HERC6: variants seen among roughly 807,000 people sequenced by gnomAD.
HERC6 encodes the protein HECT and RLD domain containing E3 ubiquitin protein ligase family member 6.
HERC6 carries 101 observed loss-of-function variants against 114.5 expected under a neutral mutation model. That is an observed-to-expected ratio of 0.88 (90% CI 0.75 to 1.04). The LOEUF is 1.04. HERC6 is among the 50% of genes least tolerant of loss of function. The pLI, the probability that HERC6 is intolerant of heterozygous loss-of-function variation, is 0.00. For missense variants in HERC6, 1,133 were observed against 1,230.9 expected, an observed-to-expected ratio of 0.92 and a Z score of 1.19; for synonymous variants, 408 against 436.2, an observed-to-expected ratio of 0.94 and a Z score of 0.81.
intron 15 of HERC6, among the ~76,000 whole-genome samples, chr4:88,428,268 A>G (rs1205459526): frequency 6.6e-6 from 1 of 152,192 alleles, no homozygotes; most frequent in Non-Finnish European, 1.5e-5. Flanking sequence ...GAATACCAGT[A>G]TGGCCTTTAA....
intron 13 of HERC6, among the ~76,000 whole-genome samples, chr4:88,420,266 T>C (rs1318951524): frequency 6.6e-6 from 1 of 152,226 alleles, no homozygotes; most frequent in Non-Finnish European, 1.5e-5. Context: ...TACTGTATCT[T>C]TATAATAAAT....
Position 88,433,104 on chromosome 4 carries a change from A to C in HERC6, c.2250+1799A>C, listed in dbSNP as rs773510091. 2.0e-4 allele frequency among the ~76,000 whole-genome samples: 30 copies of C among 152,262 alleles called. 1 individual carries two copies. Among genetic ancestry groups the C allele is most frequent in the South Asian group, 1.4e-3 (7 of 4,832 alleles). The stretch of plus-strand genomic sequence containing the variant: ...CTCCATCTCAAAAAAGAAAAGTAAC[A>C]AAAAAATTTGTCTTCATTTCTGTAT... On this transcript the variant is annotated intron_variant, in intron 17 of 22. Transcript: ENST00000264346.
rs747269356 is a variant in HERC6, at chr4:88,428,632, A to G, written c.1988A>G (p.Lys663Arg). Residue 663 changes from lysine to arginine, a missense_variant, in exon 16 of 23, where the codon AAG becomes AGG. Lys to Arg is a conservative substitution (Grantham distance 26). Around this residue, in one of 3 missense-constraint regions of HERC6, gnomAD observed 388 missense variants for 445.9 expected, o/e 0.87. Transcript: ENST00000264346. ...ATGCATGAAACAATTCTGCAAAAAA[A>G]GGATGAATTTCCTCCATCACCCAGA... ...MLMHETILQK[K>R]DEFPPSPRFI... 43 of 1,608,620 alleles carry G rather than the reference A, an allele frequency of 2.7e-5. No individual in the cohort carries two copies. The South Asian group carries it at 4.2e-4, about 16-fold the overall frequency.
chr4:88,386,498 G>A (rs1242887160), intron 3 of HERC6, among the ~76,000 whole-genome samples: 1 of 152,100 alleles, frequency 6.6e-6, no homozygotes, highest in Non-Finnish European at 1.5e-5. Context: ...GAGCCACTGT[G>A]CCCGGTCCCC....
Position 88,436,926 on chromosome 4 carries a change from T to C in HERC6, c.2439T>C (p.Asp813=). The change falls in exon 19 of 23, where the codon GAT becomes GAC. Residue 813 remains aspartate, a synonymous_variant. Transcript: ENST00000264346. ...RLGKSLQEVL[D]DAADDIGDAL... ...TTAGGAGTTTGCAAGAAGTTCTAGA[T>C]GATGCTGCTGATGACATTGGAGATG... The C allele has an allele frequency of 6.2e-7, 1 of 1,606,184 alleles. No individual in the cohort carries two copies. Among genetic ancestry groups the C allele is most frequent in the Middle Eastern group, 1.7e-4 (1 of 6,032 alleles).
At chr4:88,390,195 A>T (rs868363186) in intron 3 of HERC6, among the ~76,000 whole-genome samples, 1 of 151,168 alleles carries the variant, frequency 6.6e-6, no homozygotes. Flanking sequence ...AAAAAAAAAA[A>T]AAAAAAGAAA....
At chr4:88,423,768 T>A (rs984562735) in intron 13 of HERC6, 92 bp from the exon 14 acceptor site, 1 of 478,726 alleles carries the variant, frequency 2.1e-6, no homozygotes, top group African/African-American at 2.0e-5. Flanking sequence ...CTTCTTCTTA[T>A]CTGTATAACA....
chr4:88,407,104 G>T (rs1578388393), intron 10 of HERC6, among the ~76,000 whole-genome samples: 1 of 151,722 alleles, frequency 6.6e-6, no homozygotes, highest in African/African-American at 2.4e-5. Context: ...TTGAGACAGG[G>T]TCTCACTCTG....
In HERC6 at chr4:88,442,448, C is replaced by T. The variant is rs767298446; in HGVS notation, c.3057C>T (p.Leu1019=). ...ACAGAGGATTTGTCTCACCCATGCT[C>T]ACACAGTCATAATCACCTCTGAGAG... ...NNNRGFVSPM[L]TQS is the part of the protein sequence containing the mutation. Residue 1019 remains leucine (L), a synonymous_variant, in exon 23 of 23, where the codon CTC becomes CTT. Coordinates refer to ENST00000264346, the MANE Select transcript of HERC6 (RefSeq NM_017912.4). 6.2e-7 allele frequency: 1 copy of T among 1,613,320 alleles called. No homozygotes were observed. The highest frequency in any genetic ancestry group is 8.5e-7 in the Non-Finnish European group (1 of 1,179,556).
At chr4:88,379,899 T>A (rs1734107785) in intron 1 of HERC6, among the ~76,000 whole-genome samples, 1 of 31,426 alleles carries the variant, frequency 3.2e-5, no homozygotes, top group Non-Finnish European at 4.9e-5. Flanking sequence ...ATATAATATA[T>A]AAATATATAT....
chr4:88,385,080 A>G (rs550742384), intron 2 of HERC6, among the ~76,000 whole-genome samples: 1 of 152,260 alleles, frequency 6.6e-6, no homozygotes, highest in East Asian at 1.9e-4. Flanking sequence ...AAAAATGGCA[A>G]TTTTGTATGA....
chr4:88,432,640 A>G (rs1315712256), intron 17 of HERC6, among the ~76,000 whole-genome samples: 2 of 151,848 alleles, frequency 1.3e-5, no homozygotes, highest in Non-Finnish European at 2.9e-5. Context: ...GAGGCAGGAG[A>G]ATCACTTGAA....
intron 12 of HERC6, among the ~76,000 whole-genome samples, chr4:88,414,114 TTAAAA>T (rs1279553714): frequency 1.3e-5 from 2 of 152,150 alleles, no homozygotes; most frequent in Non-Finnish European, 2.9e-5. Flanking sequence ...GGCCTTTAAC[TTAAAA>T]TAATCAGCAT....
chr4:88,390,772 TG>T lies in HERC6; in HGVS notation c.559del (p.Ala187LeufsTer47). 8 of 1,613,970 alleles carry T rather than the reference TG, an allele frequency of 5.0e-6. No individual in the cohort carries two copies. Among genetic ancestry groups the T allele is most frequent in the Non-Finnish European group, 6.8e-6 (8 of 1,179,958 alleles). ...CTGGAGGGGATCCCACTGGCTCAGG[TG>T]GCTGCCGGAGGGGCTCACAGCTTTG... is the stretch of plus-strand genomic sequence containing the variant. ...RSLEGIPLAQ[V>X]AAGGAHSFAL... is the part of the protein sequence containing the mutation. On this transcript the variant is annotated frameshift_variant, in exon 4 of 23. Transcript: ENST00000264346. LOFTEE classifies it high-confidence loss of function.
chr4:88,405,929 T>C (rs1735793933), intron 10 of HERC6, among the ~76,000 whole-genome samples: 2 of 152,226 alleles, frequency 1.3e-5, no homozygotes, highest in South Asian at 4.1e-4. Context: ...GCTTTAGTAC[T>C]TAGAAGCCAA....
chr4:88,412,392 G>C (rs879427809), intron 11 of HERC6, among the ~76,000 whole-genome samples: 11 of 152,108 alleles, frequency 7.2e-5, no homozygotes, highest in Non-Finnish European at 1.3e-4. Flanking sequence ...TATCACCTGA[G>C]CCCAAGAGTT....
chr4:88,406,907 C>T (rs2148894260), intron 10 of HERC6, among the ~76,000 whole-genome samples: 1 of 152,130 alleles, frequency 6.6e-6, no homozygotes, highest in South Asian at 2.1e-4. Flanking sequence ...CAGGTGTGCA[C>T]CACCACACCC....
intron 22 of HERC6, among the ~76,000 whole-genome samples, chr4:88,441,183 C>A (rs1018159060): frequency 7.9e-5 from 12 of 152,094 alleles, no homozygotes; most frequent in African/African-American, 2.9e-4. Flanking sequence ...TATCTAAGTC[C>A]TATGATGTTC....
At chr4:88,383,045 T>C (rs902629089) in intron 1 of HERC6, 176 bp from the exon 2 acceptor site, 1 of 699,008 alleles carries the variant, frequency 1.4e-6, no homozygotes, top group Admixed American at 3.0e-5. Flanking sequence ...TAACATACAT[T>C]GAATTTACTT....
Sources: gnomAD v4.1 joint callset for allele counts (sites outside exome capture counted in the v4.1 genomes callset) on GRCh38, gnomAD v4.1.1 for gene constraint, gnomAD v4.1.1 regional missense constraint, MANE v1.5 for transcripts, NCBI Gene and HGNC (gene_info 2026-07-23, HGNC 2026-07-21) for gene names.